The following SPOCK1 variants were observed in gnomAD, a reference collection of about 807,000 sequenced individuals.
The protein encoded by SPOCK1 is SPARC (osteonectin), cwcv and kazal like domains proteoglycan 1.
Under a neutral mutation model 55.3 loss-of-function variants are expected in SPOCK1, and 23 were observed. That is an observed-to-expected ratio of 0.42 (90% CI 0.30 to 0.59). The LOEUF (loss-of-function observed/expected upper bound fraction) is 0.59, where lower values mean the gene tolerates loss of function less well. Ranked by LOEUF, SPOCK1 falls within the 20% of genes least tolerant of loss-of-function variation. SPOCK1 has a pLI of 0.22. For missense variants in SPOCK1, 499 were observed against 552.5 expected, an observed-to-expected ratio of 0.90 and a Z score of 0.97; for synonymous variants, 226 against 221.0, an observed-to-expected ratio of 1.02 and a Z score of -0.20.
intron 3 of SPOCK1, among the ~76,000 whole-genome samples, chr5:137,194,933 G>T (rs1158064693): frequency 6.6e-6 from 1 of 152,148 alleles, no homozygotes; most frequent in Non-Finnish European, 1.5e-5. Flanking sequence ...GTCTGGTCAG[G>T]CTCCACAGGT....
At chr5:137,388,317 C>T (rs949308104) in intron 2 of SPOCK1, among the ~76,000 whole-genome samples, 4 of 151,908 alleles carry the variant, frequency 2.6e-5, no homozygotes, top group Non-Finnish European at 4.4e-5. Flanking sequence ...ACCAAGAAAC[C>T]CCACTGAAAA....
At chr5:137,302,336 A>G (rs919265468) in intron 2 of SPOCK1, among the ~76,000 whole-genome samples, 68 of 151,914 alleles carry the variant, frequency 4.5e-4, no homozygotes, top group Admixed American at 6.5e-4. Flanking sequence ...TTGGGAGGCC[A>G]AGGCGGGCAG....
intron 2 of SPOCK1, among the ~76,000 whole-genome samples, chr5:137,442,498 G>A (rs1753036299): frequency 6.6e-6 from 1 of 152,208 alleles, no homozygotes. Flanking sequence ...ACATGGTTGT[G>A]CCAAGAATTA....
chr5:137,306,573 T>A (rs1478732072), intron 2 of SPOCK1, among the ~76,000 whole-genome samples: 1 of 152,050 alleles, frequency 6.6e-6, no homozygotes, highest in African/African-American at 2.4e-5. Flanking sequence ...CTTTTCAATC[T>A]CTCAGTAGAG....
intron 2 of SPOCK1, among the ~76,000 whole-genome samples, chr5:137,284,692 G>A (rs553950476): frequency 2.6e-5 from 4 of 152,294 alleles, no homozygotes; most frequent in South Asian, 4.1e-4. Flanking sequence ...GTTGTGGAGT[G>A]TGTGAGGTAA....
chr5:136,993,502 C>G (rs1354350361), intron 6 of SPOCK1, among the ~76,000 whole-genome samples: 1 of 152,114 alleles, frequency 6.6e-6, no homozygotes, highest in East Asian at 1.9e-4. Context: ...CTAGAGAACC[C>G]AGCAATGCAT....
chr5:137,138,713 CA>C (rs1383118172), intron 4 of SPOCK1, among the ~76,000 whole-genome samples: 28 of 119,544 alleles, frequency 2.3e-4, no homozygotes, highest in Middle Eastern at 4.6e-3. Flanking sequence ...CCCCCCCCCC[CA>C]AAAAAAAGTG....
rs76331610 is a variant in SPOCK1 at position 137,316,253 on chromosome 5, C to T, written c.187-49198G>A. On this transcript the variant is annotated intron_variant, in intron 2 of 10. Transcript: ENST00000394945. ...TAATCCCACTCATGAAGGACATGCC[C>T]TCAAATCATCTCTCAAAGGACCCAC... Among the ~76,000 whole-genome samples, 538 of 152,300 alleles carry T rather than the reference C, an allele frequency of 3.5e-3. 1 individual carries two copies. Among genetic ancestry groups the T allele is most frequent in the African/African-American group, 0.011 (439 of 41,564 alleles).
intron 2 of SPOCK1, among the ~76,000 whole-genome samples, chr5:137,439,931 T>C (rs1215466188): frequency 6.6e-6 from 1 of 152,094 alleles, no homozygotes; most frequent in African/African-American, 2.4e-5. Flanking sequence ...CACCCACACA[T>C]CAAAGCGTCC....
intron 3 of SPOCK1, among the ~76,000 whole-genome samples, chr5:137,155,667 T>C (rs1177400469): frequency 6.6e-6 from 1 of 152,230 alleles, no homozygotes; most frequent in East Asian, 1.9e-4. Flanking sequence ...CTTTTTGTGA[T>C]CCTGAAAAAG....
intron 6 of SPOCK1, among the ~76,000 whole-genome samples, chr5:136,996,167 T>A (rs982554263): frequency 2.0e-5 from 3 of 152,208 alleles, no homozygotes; most frequent in Admixed American, 6.5e-5. Context: ...GGACTGAAGC[T>A]TTCAGAAGTG....
At chr5:137,247,703 A>G (rs892956890) in intron 3 of SPOCK1, among the ~76,000 whole-genome samples, 1 of 152,194 alleles carries the variant, frequency 6.6e-6, no homozygotes, top group Non-Finnish European at 1.5e-5. Flanking sequence ...GACTCAGTTC[A>G]AGGGCATGGC....
chr5:137,244,377 T>C (rs1267341242), intron 3 of SPOCK1, among the ~76,000 whole-genome samples: 3 of 152,040 alleles, frequency 2.0e-5, no homozygotes, highest in Non-Finnish European at 4.4e-5. Context: ...GCTTCCACTA[T>C]GCGATTTTCA....
intron 5 of SPOCK1, among the ~76,000 whole-genome samples, chr5:137,071,624 G>A (rs1752616666): frequency 6.6e-6 from 1 of 152,120 alleles, no homozygotes; most frequent in Admixed American, 6.5e-5. Flanking sequence ...AGGCTCCTAT[G>A]GAGGTGACAA....
At chr5:137,119,716 T>C (rs1472793036) in intron 4 of SPOCK1, among the ~76,000 whole-genome samples, 1 of 152,240 alleles carries the variant, frequency 6.6e-6, no homozygotes, top group African/African-American at 2.4e-5. Context: ...AAAGACTTGC[T>C]GTTTACAGAA....
At chr5:137,163,483 T>G (rs1754595946) in intron 3 of SPOCK1, among the ~76,000 whole-genome samples, 1 of 152,206 alleles carries the variant, frequency 6.6e-6, no homozygotes, top group South Asian at 2.1e-4. Flanking sequence ...GGTCACTAAC[T>G]AGTTCATTAC....
At chr5:137,216,994 G>A (rs1327980776) in intron 3 of SPOCK1, among the ~76,000 whole-genome samples, 3 of 152,136 alleles carry the variant, frequency 2.0e-5, no homozygotes, top group Non-Finnish European at 4.4e-5. Context: ...GGCAGGAGGT[G>A]GGTTAGGAGG....
chr5:137,385,813 C>T (rs1751589216), intron 2 of SPOCK1, among the ~76,000 whole-genome samples: 1 of 152,244 alleles, frequency 6.6e-6, no homozygotes, highest in Non-Finnish European at 1.5e-5. Context: ...CTGCTAAATG[C>T]CTTCTGAATG....
At chr5:137,291,227 G>A (rs777914035) in intron 2 of SPOCK1, among the ~76,000 whole-genome samples, 1 of 152,208 alleles carries the variant, frequency 6.6e-6, no homozygotes, top group Non-Finnish European at 1.5e-5. Flanking sequence ...GACACTGGAG[G>A]AGCAGAGCCA....
Sources: allele counts gnomAD v4.1 joint callset (sites outside exome capture counted in the v4.1 genomes callset), GRCh38; gene constraint gnomAD v4.1.1; transcripts MANE v1.5; gene names NCBI Gene and HGNC (gene_info 2026-07-23, HGNC 2026-07-21).